ZSWIM5: variants seen among roughly 807,000 people sequenced by gnomAD.
The protein encoded by ZSWIM5 is zinc finger SWIM-type containing 5.
Under a neutral mutation model 119.6 loss-of-function variants are expected in ZSWIM5, and 55 were observed. The ratio of observed to expected loss-of-function variants is 0.46; its 90% confidence interval spans 0.37 to 0.58. The LOEUF is 0.58. Ranked by LOEUF, ZSWIM5 falls within the 20% of genes least tolerant of loss-of-function variation. The probability of loss-of-function intolerance (pLI) is 0.00; values close to 1 mark genes in which losing one functional copy is unlikely to be tolerated. For missense variants in ZSWIM5, 1,193 were observed against 1,512.8 expected (o/e 0.79, Z 3.51); for synonymous variants, 537 against 606.9 (o/e 0.88, Z 1.69).
intron 5 of ZSWIM5, among the ~76,000 whole-genome samples, chr1:45,050,451 T>C (rs1462083902): frequency 6.6e-6 from 1 of 152,144 alleles, no homozygotes; most frequent in African/African-American, 2.4e-5. Context: ...GAATAATCAA[T>C]TGACAACATC....
chr1:45,135,868 CT>C (rs369010211), intron 1 of ZSWIM5, among the ~76,000 whole-genome samples: 11 of 148,152 alleles, frequency 7.4e-5, no homozygotes, highest in African/African-American at 9.9e-5. Flanking sequence ...TGTGTGAAGT[CT>C]TTTTTTTTTG....
rs181791676 is a variant in ZSWIM5, at chr1:45,026,346, G to A, written c.2450-5558C>T. Among the ~76,000 whole-genome samples, 34 of 151,848 alleles carry A rather than the reference G, an allele frequency of 2.2e-4. 1 individual carries two copies. In the South Asian group the frequency reaches 4.0e-3, roughly 18 times the overall value. ...CACCACACCCAGCCGGTAATTGTAGGTTTTTTTGTAGAAATTCTTTATCAA... is the reference window on the plus strand; with the variant it reads ...CACCACACCCAGCCGGTAATTGTAGATTTTTTTGTAGAAATTCTTTATCAA... On this transcript the variant is annotated intron_variant, in intron 11 of 13. Transcript: ENST00000359600.
At chr1:45,069,876 T>C in intron 2 of ZSWIM5, 1 of 442,260 alleles carries the variant, frequency 2.3e-6, no homozygotes, top group Non-Finnish European at 4.1e-6. Flanking sequence ...ACTGTTGCTC[T>C]TCATTCTTTT....
At chr1:45,038,234 T>G (rs1644997039) in intron 8 of ZSWIM5, among the ~76,000 whole-genome samples, 1 of 152,198 alleles carries the variant, frequency 6.6e-6, no homozygotes, top group African/African-American at 2.4e-5. Context: ...TGGAAGAAAG[T>G]TCAAAGGAAA....
intron 2 of ZSWIM5, among the ~76,000 whole-genome samples, chr1:45,067,439 C>CA (rs35391088): frequency 0.024 from 3,393 of 140,692 alleles, 143 homozygotes; most frequent in African/African-American, 0.084. Flanking sequence ...GACCCTGCCT[C>CA]AAAAAAAAAA....
Position 45,168,695 on chromosome 1 carries a change from T to C in ZSWIM5, c.595+37061A>G, listed in dbSNP as rs559407245. ...AAAAAAAAAAAAAAAAGAATAAAGA[T>C]TGAATTTTTTTTCCTACATGGGAGT... On this transcript the variant is annotated intron_variant, in intron 1 of 13. Coordinates refer to ENST00000359600, the MANE Select transcript of ZSWIM5 (RefSeq NM_020883.2). Among the ~76,000 whole-genome samples the C allele has an allele frequency of 2.8e-3, 413 of 149,006 alleles. 11 individuals are homozygous for C. Among genetic ancestry groups the C allele is most frequent in the Admixed American group, 0.027 (403 of 14,930 alleles).
intron 1 of ZSWIM5, among the ~76,000 whole-genome samples, chr1:45,118,737 CAAAAAA>C (rs60441320): frequency 9.4e-5 from 9 of 95,268 alleles, no homozygotes; most frequent in Non-Finnish European, 9.2e-5. Flanking sequence ...GAACCTGTCT[CAAAAAA>C]AAAAAAAAAA....
At chr1:45,143,045 G>GC (rs1411970718) in intron 1 of ZSWIM5, among the ~76,000 whole-genome samples, 1 of 150,796 alleles carries the variant, frequency 6.6e-6, no homozygotes, top group African/African-American at 2.4e-5. Flanking sequence ...TGTGGTGCAT[G>GC]CCTATGGTCC....
intron 4 of ZSWIM5, among the ~76,000 whole-genome samples, chr1:45,053,896 A>G (rs1189360176): frequency 6.6e-6 from 1 of 152,212 alleles, no homozygotes; most frequent in African/African-American, 2.4e-5. Context: ...ACCCTGAGAA[A>G]GAGACAAAGC....
At chr1:45,096,850 T>C (rs907950605) in intron 1 of ZSWIM5, among the ~76,000 whole-genome samples, 1 of 152,136 alleles carries the variant, frequency 6.6e-6, no homozygotes, top group African/African-American at 2.4e-5. Context: ...CATCTCTGCT[T>C]CCAGAAAAAT....
intron 1 of ZSWIM5, among the ~76,000 whole-genome samples, chr1:45,185,424 T>C (rs941485824): frequency 6.6e-6 from 1 of 151,796 alleles, no homozygotes; most frequent in Non-Finnish European, 1.5e-5. Context: ...CGAAAGAGCT[T>C]CTGCACAGCA....
chr1:45,109,863 C>G (rs1645505217), intron 1 of ZSWIM5, among the ~76,000 whole-genome samples: 1 of 151,962 alleles, frequency 6.6e-6, no homozygotes, highest in South Asian at 2.1e-4. Context: ...GCTCTATGTA[C>G]TATATTTTTC....
intron 7 of ZSWIM5, among the ~76,000 whole-genome samples, chr1:45,039,424 C>T (rs974507167): frequency 2.6e-5 from 4 of 152,200 alleles, no homozygotes; most frequent in African/African-American, 9.7e-5. Context: ...CTCGCTCTAT[C>T]GCCCAGGCCA....
chr1:45,203,298 T>G (rs1237559302), intron 1 of ZSWIM5, among the ~76,000 whole-genome samples: 3 of 152,038 alleles, frequency 2.0e-5, no homozygotes, highest in African/African-American at 4.8e-5. Flanking sequence ...ACCTACTCTT[T>G]CCACAAGTTT....
intron 1 of ZSWIM5, among the ~76,000 whole-genome samples, chr1:45,151,772 G>A (rs867461371): frequency 1.3e-5 from 2 of 152,138 alleles, no homozygotes; most frequent in African/African-American, 4.8e-5. Flanking sequence ...CAGCTTTACT[G>A]AGAAAAAATT....
intron 1 of ZSWIM5, among the ~76,000 whole-genome samples, chr1:45,091,206 T>C (rs576337455): frequency 1.3e-5 from 2 of 152,302 alleles, no homozygotes; most frequent in Non-Finnish European, 2.9e-5. Flanking sequence ...GGTTGAAAAC[T>C]AGGTGCTAAG....
chr1:45,119,633 C>T (rs1445939831), intron 1 of ZSWIM5, among the ~76,000 whole-genome samples: 1 of 152,198 alleles, frequency 6.6e-6, no homozygotes, highest in Non-Finnish European at 1.5e-5. Context: ...TTTCCAATCT[C>T]AGTTTCTCTG....
intron 1 of ZSWIM5, among the ~76,000 whole-genome samples, chr1:45,125,511 A>C (rs549911633): frequency 1.3e-5 from 2 of 152,180 alleles, no homozygotes; most frequent in Non-Finnish European, 2.9e-5. Flanking sequence ...ACAAAAGGCC[A>C]CGCCTATAAT....
chr1:45,205,054 C>G (rs1646179095), intron 1 of ZSWIM5, among the ~76,000 whole-genome samples: 4 of 151,264 alleles, frequency 2.6e-5, no homozygotes, highest in African/African-American at 9.7e-5. Flanking sequence ...AAAAACCCAG[C>G]GTGACCAGCT....
Sources: gnomAD v4.1 joint callset for allele counts (sites outside exome capture counted in the v4.1 genomes callset) on GRCh38, gnomAD v4.1.1 for gene constraint, MANE v1.5 for transcripts, NCBI Gene and HGNC (gene_info 2026-07-23, HGNC 2026-07-21) for gene names.